Variants in RBFOX3 observed in about 807,000 individuals in gnomAD.
RBFOX3 encodes the protein RNA binding fox-1 homolog 3.
A neutral mutation model predicts 48.7 loss-of-function variants in RBFOX3; 17 were observed. The ratio of observed to expected loss-of-function variants is 0.35; its 90% CI spans 0.24 to 0.52. The LOEUF (loss-of-function observed/expected upper bound fraction) is 0.52, where lower values mean the gene tolerates loss of function less well. RBFOX3 is among the 20% of genes least tolerant of loss of function. The probability of loss-of-function intolerance (pLI) is 0.94; values close to 1 mark genes in which losing one functional copy is unlikely to be tolerated. For missense variants in RBFOX3, 382 were observed against 497.5 expected (o/e 0.77, Z 2.21); for synonymous variants, 212 against 209.5 (o/e 1.01, Z -0.10).
At chr17:79,114,681 G>C (rs977306952) in intron 5 of RBFOX3, among the ~76,000 whole-genome samples, 1 of 152,158 alleles carries the variant, frequency 6.6e-6, no homozygotes, top group Non-Finnish European at 1.5e-5. Context: ...GCCCAGCCCC[G>C]CCAGCTAGCA....
At chr17:79,101,119 G>A (rs996545609) in intron 9 of RBFOX3, among the ~76,000 whole-genome samples, 1 of 152,140 alleles carries the variant, frequency 6.6e-6, no homozygotes. Flanking sequence ...TGAAGAGACT[G>A]GAACTCAGAG....
At chr17:79,630,824 C>T in the RBFOX3 span, among the ~76,000 whole-genome samples, 1 of 152,114 alleles carries the variant, frequency 6.6e-6, no homozygotes, top group Admixed American at 6.5e-5. Context: ...ATTATTGACC[C>T]CAGTTTACAG....
At chr17:79,343,974 C>A (rs551513665) in intron 2 of RBFOX3, among the ~76,000 whole-genome samples, 1 of 152,194 alleles carries the variant, frequency 6.6e-6, no homozygotes, top group Non-Finnish European at 1.5e-5. Context: ...CCAGAGAGAT[C>A]CCACTCAAGT....
rs775947868 is a variant in RBFOX3, at chr17:79,337,380, C to CG, written c.-174-29557dup. Among the ~76,000 whole-genome samples, 50 of 152,268 alleles carry CG rather than the reference C, an allele frequency of 3.3e-4. 1 individual carries two copies. The Middle Eastern group carries it at 0.014, about 41-fold the overall frequency. ...AGCCCACGCACAGCACAGCTGCATC[C>CG]GGGCACAAATGCACTCTCGTGTGTT... On this transcript the variant is annotated intron_variant, in intron 2 of 14. Transcript: ENST00000693108.
At chr17:79,233,404 G>A (rs934814966) in intron 4 of RBFOX3, among the ~76,000 whole-genome samples, 2 of 152,100 alleles carry the variant, frequency 1.3e-5, no homozygotes, top group African/African-American at 2.4e-5. Flanking sequence ...TAATGGTTGG[G>A]GGTGATGAAT....
intron 3 of RBFOX3, among the ~76,000 whole-genome samples, chr17:79,241,266 G>A (rs796322410): frequency 2.6e-5 from 4 of 151,588 alleles, no homozygotes; most frequent in African/African-American, 7.3e-5. Context: ...CTCCCACTTC[G>A]GCCTTCCAAT....
chr17:79,399,138 T>C (rs1402637702), intron 2 of RBFOX3, among the ~76,000 whole-genome samples: 1 of 152,156 alleles, frequency 6.6e-6, no homozygotes, highest in Non-Finnish European at 1.5e-5. Flanking sequence ...GGATTCTACC[T>C]GGAGTCTCAG....
chr17:79,643,672 C>A, the RBFOX3 span, among the ~76,000 whole-genome samples: 1 of 152,060 alleles, frequency 6.6e-6, no homozygotes, highest in Non-Finnish European at 1.5e-5. Flanking sequence ...GGAAATTAAA[C>A]AATACATTTC....
chr17:79,159,349 G>A (rs2145225165), intron 4 of RBFOX3, among the ~76,000 whole-genome samples: 1 of 152,234 alleles, frequency 6.6e-6, no homozygotes, highest in South Asian at 2.1e-4. Context: ...GATGGAGATG[G>A]CTCAGGGGCA....
chr17:79,271,055 T>C (rs1468143880), intron 3 of RBFOX3, among the ~76,000 whole-genome samples: 1 of 150,780 alleles, frequency 6.6e-6, no homozygotes, highest in African/African-American at 2.4e-5. Context: ...AAAATATGCA[T>C]CTTTTCTTAA....
At chr17:79,626,722 G>A in the RBFOX3 span, among the ~76,000 whole-genome samples, 245 of 152,304 alleles carry the variant, frequency 1.6e-3, 1 homozygote, top group African/African-American at 5.6e-3. Flanking sequence ...CATCTCTACC[G>A]CATGTTTGCA....
At chr17:79,530,152 G>A (rs1004148436) in intron 1 of RBFOX3, among the ~76,000 whole-genome samples, 10 of 152,138 alleles carry the variant, frequency 6.6e-5, no homozygotes, top group East Asian at 1.9e-4. Context: ...AGGAGGAATC[G>A]GCAAAGTGAG....
intron 4 of RBFOX3, among the ~76,000 whole-genome samples, chr17:79,137,407 C>A (rs973148037): frequency 6.6e-6 from 1 of 152,178 alleles, no homozygotes; most frequent in East Asian, 1.9e-4. Flanking sequence ...TATCCTCAGG[C>A]AGGGGGCGGG....
chr17:79,528,767 C>A (rs2087214560), intron 1 of RBFOX3, among the ~76,000 whole-genome samples: 1 of 152,006 alleles, frequency 6.6e-6, no homozygotes, highest in African/African-American at 2.4e-5. Context: ...GCCACCAAAG[C>A]CAGGAAGAGG....
chr17:79,100,484 C>G (rs2076213354), intron 9 of RBFOX3: 1 of 152,260 alleles, frequency 6.6e-6, no homozygotes, highest in South Asian at 2.1e-4. Context: ...CGGCCCCACC[C>G]CAGCATCGGA....
chr17:79,656,815 G>GAGAA, the RBFOX3 span, among the ~76,000 whole-genome samples: 6 of 51,980 alleles, frequency 1.2e-4, no homozygotes, highest in African/African-American at 3.3e-4. Flanking sequence ...AGAAAAGAAA[G>GAGAA]AGAAAGAAAG....
intron 1 of RBFOX3, among the ~76,000 whole-genome samples, chr17:79,605,914 T>C (rs1437982237): frequency 6.6e-6 from 1 of 152,018 alleles, no homozygotes; most frequent in Admixed American, 6.6e-5. Flanking sequence ...GGAAGACTGA[T>C]TTTCACTTCT....
At chr17:79,497,531 G>C (rs1410961764) in intron 1 of RBFOX3, among the ~76,000 whole-genome samples, 1 of 152,244 alleles carries the variant, frequency 6.6e-6, no homozygotes, top group Non-Finnish European at 1.5e-5. Context: ...GTTTCTACCA[G>C]CAGTGGCAGG....
At chr17:79,179,167 G>A (rs1236474283) in intron 4 of RBFOX3, among the ~76,000 whole-genome samples, 2 of 152,208 alleles carry the variant, frequency 1.3e-5, no homozygotes, top group Non-Finnish European at 2.9e-5. Flanking sequence ...CCTGTGATTA[G>A]CAGCCTCGCT....
Sources: allele counts gnomAD v4.1 joint callset (sites outside exome capture counted in the v4.1 genomes callset), GRCh38; gene constraint gnomAD v4.1.1; transcripts MANE v1.5; gene names NCBI Gene and HGNC (gene_info 2026-07-23, HGNC 2026-07-21).